LRRTM4: variants seen among roughly 807,000 people sequenced by gnomAD.
LRRTM4 encodes the protein leucine rich repeat transmembrane neuronal 4, also known as leucine-rich repeat transmembrane neuronal protein 4.
LRRTM4 carries 25 observed loss-of-function variants against 47.6 expected under a neutral mutation model. The observed-to-expected ratio is 0.53, with a 90% CI of 0.38 to 0.73. The LOEUF (loss-of-function observed/expected upper bound fraction) is 0.73, where lower values mean the gene tolerates loss of function less well. LRRTM4 is among the 30% of genes least tolerant of loss of function. The pLI is 0.00. For synonymous variants in LRRTM4, 311 were observed against 269.5 expected (o/e 1.15, Z -1.51); for missense variants, 638 against 713.4 (o/e 0.89, Z 1.20).
intron 3 of LRRTM4, among the ~76,000 whole-genome samples, chr2:76,971,711 T>A (rs1676225908): frequency 6.6e-6 from 1 of 151,988 alleles, no homozygotes; most frequent in African/African-American, 2.4e-5. Flanking sequence ...TTAATTGTAT[T>A]TAAAAGTATT....
chr2:77,023,179 T>C (rs1678334244), intron 3 of LRRTM4, among the ~76,000 whole-genome samples: 1 of 152,226 alleles, frequency 6.6e-6, no homozygotes, highest in Non-Finnish European at 1.5e-5. Context: ...AAGCTCTATG[T>C]TGGCCCCTTT....
chr2:76,983,557 C>G (rs1193433383), intron 3 of LRRTM4, among the ~76,000 whole-genome samples: 1 of 152,018 alleles, frequency 6.6e-6, no homozygotes. Context: ...TGAGGCCTCC[C>G]CAGCCATGTG....
At chr2:76,761,262 T>C (rs931072786) in intron 3 of LRRTM4, among the ~76,000 whole-genome samples, 6 of 152,262 alleles carry the variant, frequency 3.9e-5, no homozygotes, top group Admixed American at 1.3e-4. Flanking sequence ...CCTGTGTTTT[T>C]TGAGCCTCCA....
intron 3 of LRRTM4, among the ~76,000 whole-genome samples, chr2:77,135,271 C>A (rs921867156): frequency 6.6e-6 from 1 of 152,160 alleles, no homozygotes; most frequent in African/African-American, 2.4e-5. Context: ...GGCAGACTCA[C>A]GTGTTCCTTC....
intron 3 of LRRTM4, among the ~76,000 whole-genome samples, chr2:77,436,913 A>G (rs1414076846): frequency 6.6e-6 from 1 of 151,968 alleles, no homozygotes; most frequent in East Asian, 1.9e-4. Context: ...GAGTACATCT[A>G]TAATAAGGAA....
intron 3 of LRRTM4, among the ~76,000 whole-genome samples, chr2:77,279,939 T>G (rs1379081761): frequency 6.6e-6 from 1 of 151,994 alleles, no homozygotes; most frequent in East Asian, 1.9e-4. Context: ...TTATAAGGAA[T>G]GTGGTAGATA....
chr2:77,493,958 C>A (rs1207550610), intron 3 of LRRTM4, among the ~76,000 whole-genome samples: 2 of 152,050 alleles, frequency 1.3e-5, no homozygotes, highest in Admixed American at 1.3e-4. Context: ...TCGTACCACG[C>A]TTTACCATGA....
chr2:77,162,028 A>C (rs1672743403), intron 3 of LRRTM4, among the ~76,000 whole-genome samples: 1 of 152,032 alleles, frequency 6.6e-6, no homozygotes, highest in Admixed American at 6.6e-5. Flanking sequence ...GAGGCTTGTC[A>C]GACAGTGGGT....
chr2:77,250,185 G>A (rs549211249), intron 3 of LRRTM4, among the ~76,000 whole-genome samples: 1 of 152,114 alleles, frequency 6.6e-6, no homozygotes, highest in Non-Finnish European at 1.5e-5. Flanking sequence ...GTATACCATG[G>A]CAGTGCACAG....
chr2:77,049,209 A>T (rs1448755196), intron 3 of LRRTM4, among the ~76,000 whole-genome samples: 1 of 144,086 alleles, frequency 6.9e-6, no homozygotes, highest in Admixed American at 7.0e-5. Context: ...TTGATAGGCA[A>T]CTTAGGTTCA....
chr2:76,857,320 AAT>A (rs1300405169), intron 3 of LRRTM4, among the ~76,000 whole-genome samples: 2 of 147,966 alleles, frequency 1.4e-5, no homozygotes, highest in African/African-American at 2.5e-5. Flanking sequence ...ATATATATAT[AAT>A]ATATATATCA....
intron 3 of LRRTM4, among the ~76,000 whole-genome samples, chr2:76,909,068 G>GCATCAC (rs569237012): frequency 0.015 from 2,359 of 152,240 alleles, 33 homozygotes; most frequent in South Asian, 0.067. Context: ...AAAGCTGGAG[G>GCATCAC]CATCACACTA....
intron 3 of LRRTM4, among the ~76,000 whole-genome samples, chr2:76,813,315 A>G (rs1276841051): frequency 1.3e-5 from 2 of 152,148 alleles, no homozygotes; most frequent in African/African-American, 4.8e-5. Context: ...GGAGTGGTAT[A>G]ATCTTGCTTC....
chr2:77,486,541 T>G (rs1411365551), intron 3 of LRRTM4, among the ~76,000 whole-genome samples: 1 of 152,148 alleles, frequency 6.6e-6, no homozygotes, highest in African/African-American at 2.4e-5. Flanking sequence ...GGCATATTTC[T>G]CATGAAAAAA....
chr2:77,139,431 T>G (rs957216101), intron 3 of LRRTM4, among the ~76,000 whole-genome samples: 5 of 152,202 alleles, frequency 3.3e-5, no homozygotes, highest in African/African-American at 1.2e-4. Flanking sequence ...ACAGCCTTCA[T>G]GCTAAAAACT....
intron 3 of LRRTM4, among the ~76,000 whole-genome samples, chr2:76,882,375 T>A (rs921152977): frequency 2.6e-5 from 4 of 152,068 alleles, no homozygotes; most frequent in Non-Finnish European, 5.9e-5. Flanking sequence ...TTCTTGCTCT[T>A]ATGTTCCTAC....
intron 3 of LRRTM4, among the ~76,000 whole-genome samples, chr2:76,906,635 TA>T (rs1470928803): frequency 6.6e-6 from 1 of 151,634 alleles, no homozygotes; most frequent in African/African-American, 2.4e-5. Context: ...AGGCTCAAAA[TA>T]AAAGGATGGA....
At chr2:77,284,277 T>G (rs1676590197) in intron 3 of LRRTM4, among the ~76,000 whole-genome samples, 2 of 152,136 alleles carry the variant, frequency 1.3e-5, no homozygotes, top group South Asian at 2.1e-4. Context: ...TATCATAGTA[T>G]ACTTACATAT....
chr2:77,288,385 A>C (rs1676722084), intron 3 of LRRTM4, among the ~76,000 whole-genome samples: 2 of 151,934 alleles, frequency 1.3e-5, no homozygotes, highest in Admixed American at 6.6e-5. Context: ...TAGATTAATG[A>C]AATGGAGTGT....
Sources: allele counts gnomAD v4.1 joint callset (sites outside exome capture counted in the v4.1 genomes callset), GRCh38; gene constraint gnomAD v4.1.1; transcripts MANE v1.5; gene names NCBI Gene and HGNC (gene_info 2026-07-23, HGNC 2026-07-21).